Variants in HOTAIR observed in about 807,000 individuals in gnomAD.
HOTAIR encodes HOX transcript antisense RNA (non-protein coding).
exon 7 of HOTAIR, chr12:53,962,819 T>A (rs1938976683): frequency 6.6e-6 from 1 of 152,244 alleles, no homozygotes; most frequent in African/African-American, 2.4e-5. Flanking sequence ...CTGCAACTTT[T>A]GTCCCAAGCT....
intron 2 of HOTAIR, chr12:53,968,082 C>G (rs1382019109): frequency 6.6e-6 from 1 of 152,206 alleles, no homozygotes; most frequent in Admixed American, 6.6e-5. Flanking sequence ...CCTGAAAAAG[C>G]CCAGGCAGGA....
At chr12:53,971,470 A>G (rs1335338813) in intron 1 of HOTAIR, among the ~76,000 whole-genome samples, 2 of 152,226 alleles carry the variant, frequency 1.3e-5, no homozygotes, top group Non-Finnish European at 2.9e-5. Flanking sequence ...ACAAGCTACA[A>G]TTTTTTGTGT....
At chr12:53,974,783 C>T (rs1314501205) in intron 1 of HOTAIR, 2 of 167,410 alleles carry the variant, frequency 1.2e-5, no homozygotes, top group African/African-American at 4.8e-5. Context: ...TCTCAGCTTT[C>T]CCCCCAGATT....
chr12:53,963,012 T>C (rs1565710841), exon 7 of HOTAIR: 1 of 152,288 alleles, frequency 6.6e-6, no homozygotes, highest in Non-Finnish European at 1.5e-5. Context: ...GGTGCCACTG[T>C]GTCTTGGAGA....
exon 7 of HOTAIR, chr12:53,962,347 C>T (rs1938966377): frequency 6.6e-6 from 1 of 152,146 alleles, no homozygotes; most frequent in Admixed American, 6.5e-5. Flanking sequence ...TGCATAAAAC[C>T]ACCACACACA....
chr12:53,962,900 C>G (rs992503794), exon 7 of HOTAIR: 5 of 152,182 alleles, frequency 3.3e-5, no homozygotes, highest in African/African-American at 1.2e-4. Flanking sequence ...CTGTATGGAA[C>G]AAGCATTATA....
rs1319207293 is a variant in HOTAIR at position 53,973,930 on chromosome 12, AGCAGCGGCCGGGGAACGG to A, written n.59+950_59+967del. On this transcript the variant is annotated intron_variant and non_coding_transcript_variant, in intron 1 of 6. Coordinates refer to ENST00000424518, the Ensembl canonical transcript of HOTAIR. This position sits in a 1 kb window ranked among gnomAD's most constrained non-coding sequence, Gnocchi z 4.3. ...GCCAAAGGAGCCGCCCCCAGTAGGT[AGCAGCGGCCGGGGAACGG>A]GCGGGCAGCGAGGGAGGGAGCGAGA... The A allele has an allele frequency of 7.0e-7, 1 of 1,436,854 alleles. No individual in the cohort carries two copies. The highest frequency in any genetic ancestry group is 1.5e-5 in the African/African-American group (1 of 68,660). The allele number at this position is 1,436,854 out of a possible 1,614,324, so 89.0% of individuals were successfully genotyped here.
chr12:53,968,933 A>G (rs1939105516), intron 1 of HOTAIR: 2 of 151,448 alleles, frequency 1.3e-5, no homozygotes, highest in Non-Finnish European at 1.5e-5. Context: ...TCCCTTTTGC[A>G]TTTTCGACCC....
At chr12:53,964,162 C>G (rs1939007465) in intron 6 of HOTAIR, 1 of 152,050 alleles carries the variant, frequency 6.6e-6, no homozygotes. Flanking sequence ...CTGGTTATCT[C>G]TTGCCAGAGT....
intron 3 of HOTAIR, chr12:53,967,192 G>A (rs1309931217): frequency 1.3e-5 from 2 of 152,188 alleles, no homozygotes; most frequent in Non-Finnish European, 2.9e-5. Context: ...TGCTCCAAAA[G>A]CCTCTAATTG....
chr12:53,971,047 C>T (rs1316121739), intron 1 of HOTAIR, among the ~76,000 whole-genome samples: 1 of 152,104 alleles, frequency 6.6e-6, no homozygotes, highest in Non-Finnish European at 1.5e-5. Flanking sequence ...TCAATAAACT[C>T]GAGTTTAATG....
chr12:53,969,927 G>GC (rs1939120444), intron 1 of HOTAIR, among the ~76,000 whole-genome samples: 1 of 152,218 alleles, frequency 6.6e-6, no homozygotes, highest in Non-Finnish European at 1.5e-5. Context: ...CTAACAGGAG[G>GC]CCCCAACGCT....
rs965737676 is a variant in HOTAIR at position 53,965,582 on chromosome 12, G to A, written n.551+382C>T. Among the ~76,000 whole-genome samples the A allele has an allele frequency of 5.3e-5, 8 of 152,302 alleles. No homozygotes were observed. The East Asian group carries it at 1.5e-3, about 29-fold the overall frequency. On this transcript the variant is annotated intron_variant and non_coding_transcript_variant, in intron 5 of 6. Transcript: ENST00000424518. ...TGTGTTGTTGTTGTTTCCGGGATTTGAGACCAGAAGGGACCAGAAGGCTGG... is the reference window on the plus strand; with the variant it reads ...TGTGTTGTTGTTGTTTCCGGGATTTAAGACCAGAAGGGACCAGAAGGCTGG...
chr12:53,967,751 C>T (rs1939081233), intron 2 of HOTAIR, among the ~76,000 whole-genome samples: 1 of 152,136 alleles, frequency 6.6e-6, no homozygotes, highest in African/African-American at 2.4e-5. Flanking sequence ...GGACGCTTCC[C>T]CCTAGTGTGG....
At chr12:53,968,175 A>G (rs1246073682) in intron 2 of HOTAIR, 1 of 152,312 alleles carries the variant, frequency 6.6e-6, no homozygotes, top group Admixed American at 6.5e-5. Flanking sequence ...ATGTTCCCCA[A>G]CACAGAGAAA....
At chr12:53,965,436 C>G (rs10783616) in intron 5 of HOTAIR, among the ~76,000 whole-genome samples, 79,197 of 152,206 alleles carry the variant, frequency 0.52, 23,974 homozygotes, top group East Asian at 0.72. Flanking sequence ...CAAAGTGAAG[C>G]CTCTTTTGAT....
chr12:53,973,667 C>G lies in HOTAIR; in HGVS notation n.59+1231G>C. On this transcript the variant is annotated intron_variant and non_coding_transcript_variant, in intron 1 of 6. Coordinates refer to ENST00000424518, the Ensembl canonical transcript of HOTAIR. This position sits in a 1 kb window ranked among gnomAD's most constrained non-coding sequence, Gnocchi z 4.3. The stretch of plus-strand genomic sequence containing the variant: ...CCGCCGGCTTCTACTCCTCAGTCAA[C>G]AAGAACAGCGTCCTGCCTCAAGCCT... 3 of 1,613,766 alleles carry G rather than the reference C, an allele frequency of 1.9e-6. No individual in the cohort carries two copies. Among genetic ancestry groups the G allele is most frequent in the Non-Finnish European group, 2.5e-6 (3 of 1,180,038 alleles).
intron 1 of HOTAIR, chr12:53,969,011 T>A (rs1018375580): frequency 6.6e-6 from 1 of 152,252 alleles, no homozygotes; most frequent in Non-Finnish European, 1.5e-5. Context: ...CTCACTTTGA[T>A]CAGGAGGACT....
At chr12:53,971,879 C>G (rs1444218999) in intron 1 of HOTAIR, among the ~76,000 whole-genome samples, 1 of 152,184 alleles carries the variant, frequency 6.6e-6, no homozygotes, top group African/African-American at 2.4e-5. Context: ...CTACAGCTAT[C>G]CAGGAGGCTG....
Sources: allele counts gnomAD v4.1 joint callset (sites outside exome capture counted in the v4.1 genomes callset), GRCh38; gene constraint gnomAD v4.1.1; non-coding constraint Gnocchi (gnomAD v3.1); transcripts MANE v1.5; gene names NCBI Gene and HGNC (gene_info 2026-07-23, HGNC 2026-07-21).